The following ZNF385D variants were observed in gnomAD, a reference collection of about 807,000 sequenced individuals.
ZNF385D encodes zinc finger protein 659.
A neutral mutation model predicts 35.8 loss-of-function variants in ZNF385D; 15 were observed. The observed-to-expected ratio is 0.42, with a 90% CI of 0.28 to 0.64. The LOEUF is 0.64. Ranked by LOEUF, ZNF385D falls within the 30% of genes least tolerant of loss-of-function variation. The pLI is 0.23. For missense variants in ZNF385D, 474 were observed against 494.6 expected (o/e 0.96, Z 0.39); for synonymous variants, 212 against 186.8 (o/e 1.13, Z -1.10).
intron 3 of ZNF385D, among the ~76,000 whole-genome samples, chr3:21,957,564 C>G (rs1033270254): frequency 6.6e-6 from 1 of 152,044 alleles, no homozygotes; most frequent in African/African-American, 2.4e-5. Context: ...GCAAAACTCA[C>G]ATGGCACAAG....
At chr3:21,868,407 T>C (rs1697499978) in intron 3 of ZNF385D, among the ~76,000 whole-genome samples, 1 of 152,170 alleles carries the variant, frequency 6.6e-6, no homozygotes, top group African/African-American at 2.4e-5. Context: ...ATAGCTACTC[T>C]AAGCAAGGGT....
At chr3:21,537,035 A>G (rs949589864) in intron 3 of ZNF385D, among the ~76,000 whole-genome samples, 7 of 152,018 alleles carry the variant, frequency 4.6e-5, no homozygotes, top group African/African-American at 1.7e-4. Flanking sequence ...CTAAAAAACT[A>G]AGTAATCAAG....
intron 3 of ZNF385D, among the ~76,000 whole-genome samples, chr3:21,775,437 G>A (rs1185939960): frequency 6.6e-6 from 1 of 151,746 alleles, no homozygotes; most frequent in East Asian, 1.9e-4. Context: ...AAGAAAGTGG[G>A]GGATAAAGGA....
chr3:21,695,189 A>T (rs773693613), intron 1 of ZNF385D, among the ~76,000 whole-genome samples: 7 of 152,244 alleles, frequency 4.6e-5, no homozygotes, highest in South Asian at 4.1e-4. Flanking sequence ...CGATGTGAAA[A>T]GCAGAGTCAG....
Position 21,413,328 on chromosome 3 carries a change from G to T in ZNF385D, c.*7886C>A, listed in dbSNP as rs1398382064. The T allele has an allele frequency of 2.0e-5, 3 of 152,086 alleles. No homozygotes were observed. The highest frequency in any genetic ancestry group is 7.2e-5 in the African/African-American group (3 of 41,416). The allele number at this position is 152,086 out of a possible 1,614,324, so 9.4% of individuals were successfully genotyped here. A position where few individuals can be genotyped will look rare whatever the true frequency, so the allele number is the denominator to read the frequency against. ...GAGCGTTTTGGCTTCTGGTACTCAA[G>T]TCAGACTTCCAGATACATTGATAAA... On this transcript the variant is annotated 3_prime_UTR_variant, in exon 8 of 8. Transcript: ENST00000281523.
At chr3:21,525,877 G>A (rs1048758293) in intron 3 of ZNF385D, among the ~76,000 whole-genome samples, 27 of 151,878 alleles carry the variant, frequency 1.8e-4, no homozygotes, top group African/African-American at 5.6e-4. Flanking sequence ...GAAATACAGC[G>A]GTTGTCTAAG....
chr3:21,790,884 T>G (rs2071900060), intron 3 of ZNF385D, among the ~76,000 whole-genome samples: 1 of 152,248 alleles, frequency 6.6e-6, no homozygotes, highest in African/African-American at 2.4e-5. Context: ...TAGATTTTTT[T>G]GCTTGTCCTT....
chr3:22,074,986 T>A (rs1700395923), intron 3 of ZNF385D, among the ~76,000 whole-genome samples: 1 of 151,918 alleles, frequency 6.6e-6, no homozygotes, highest in Admixed American at 6.6e-5. Context: ...ATTCTAAAGT[T>A]TGAGAATCAT....
chr3:21,456,706 G>A (rs1295826278), intron 4 of ZNF385D, among the ~76,000 whole-genome samples: 1 of 151,932 alleles, frequency 6.6e-6, no homozygotes, highest in Non-Finnish European at 1.5e-5. Context: ...TGCATGTTGT[G>A]CACATGTACC....
intron 2 of ZNF385D, among the ~76,000 whole-genome samples, chr3:21,593,092 T>G (rs2064029016): frequency 6.6e-6 from 1 of 152,152 alleles, no homozygotes; most frequent in African/African-American, 2.4e-5. Flanking sequence ...CAAATGCCTT[T>G]TCCCCGGCTG....
At chr3:21,856,260 A>G (rs1278246519) in intron 3 of ZNF385D, among the ~76,000 whole-genome samples, 1 of 151,340 alleles carries the variant, frequency 6.6e-6, no homozygotes, top group Admixed American at 6.6e-5. Flanking sequence ...TTCAACAACT[A>G]AAGTGCAGAC....
chr3:21,768,360 G>A (rs139133410), intron 3 of ZNF385D, among the ~76,000 whole-genome samples: 1 of 151,942 alleles, frequency 6.6e-6, no homozygotes, highest in African/African-American at 2.4e-5. Context: ...TGTTACTGAG[G>A]ATCCTGGGAA....
intron 3 of ZNF385D, among the ~76,000 whole-genome samples, chr3:22,027,125 G>C (rs1697607896): frequency 6.6e-6 from 1 of 152,174 alleles, no homozygotes; most frequent in Non-Finnish European, 1.5e-5. Context: ...CCTACCTCAG[G>C]GGTGTATTAG....
intron 3 of ZNF385D, among the ~76,000 whole-genome samples, chr3:21,758,890 T>C (rs939192696): frequency 3.5e-5 from 5 of 143,008 alleles, no homozygotes; most frequent in African/African-American, 1.3e-4. Context: ...ATGGACACCA[T>C]GTCATAACTT....
chr3:22,320,543 T>A (rs1008519680), intron 2 of ZNF385D, among the ~76,000 whole-genome samples: 8 of 151,326 alleles, frequency 5.3e-5, no homozygotes, highest in African/African-American at 1.9e-4. Context: ...TAAAAATTCA[T>A]ACTATTTTTA....
At chr3:21,775,594 C>T (rs1398313038) in intron 3 of ZNF385D, among the ~76,000 whole-genome samples, 10 of 151,904 alleles carry the variant, frequency 6.6e-5, no homozygotes, top group South Asian at 2.1e-4. Flanking sequence ...ATTTCAAAAT[C>T]GAAGTCTTCC....
At chr3:22,033,818 T>C (rs76224780) in intron 3 of ZNF385D, among the ~76,000 whole-genome samples, 1 of 152,176 alleles carries the variant, frequency 6.6e-6, no homozygotes, top group African/African-American at 2.4e-5. Context: ...TACTGTTCAC[T>C]TCAGTTACCA....
Position 22,167,260 on chromosome 3 carries a change from C to A in ZNF385D, c.325+1557G>T, listed in dbSNP as rs1706396716. Among the ~76,000 whole-genome samples, 3 of 152,322 alleles carry A rather than the reference C, an allele frequency of 2.0e-5. No homozygotes were observed. The East Asian group carries it at 5.8e-4, about 29-fold the overall frequency. On this transcript the variant is annotated intron_variant, in intron 3 of 5. Transcript: ENST00000494108. ...ACCCTTTGCTAATTGGTTTTCTACA[C>A]TTCTATGCCCACCTTTGAGTGATGC... is the stretch of plus-strand genomic sequence containing the variant.
intron 3 of ZNF385D, among the ~76,000 whole-genome samples, chr3:21,839,926 C>T (rs191197706): frequency 1.5e-3 from 226 of 152,054 alleles, no homozygotes; most frequent in Admixed American, 3.0e-3. Context: ...AGCCTTACAC[C>T]GGACTGCAAA....
Sources: gnomAD v4.1 joint callset for allele counts (sites outside exome capture counted in the v4.1 genomes callset) on GRCh38, gnomAD v4.1.1 for gene constraint, MANE v1.5 for transcripts, NCBI Gene and HGNC (gene_info 2026-07-23, HGNC 2026-07-21) for gene names.